Variants in NAA25 observed in about 807,000 individuals in gnomAD.
NAA25 encodes N-terminal acetyltransferase B complex subunit NAA25.
A neutral mutation model predicts 132.5 loss-of-function variants in NAA25; 30 were observed. The observed-to-expected ratio is 0.23, with a 90% confidence interval of 0.17 to 0.31. The LOEUF (loss-of-function observed/expected upper bound fraction) is 0.31. NAA25 is among the 10% of genes least tolerant of loss of function. The probability of loss-of-function intolerance (pLI) is 1.00; values close to 1 mark genes in which losing one functional copy is unlikely to be tolerated. For missense variants in NAA25, 771 were observed against 1,150.4 expected (o/e 0.67, Z 4.77); for synonymous variants, 359 against 401.9 (o/e 0.89, Z 1.28).
Position 112,028,177 on chromosome 12 carries a change from C to A in NAA25, c.*1354G>T, listed in dbSNP as rs1380603315. Reference sequence around the variant, plus strand: ...CTGGAGCAGTGCAGGTTGGAAAGCACCTTTAAGGTCTTCAAGACCAATCCT... The same window carrying A: ...CTGGAGCAGTGCAGGTTGGAAAGCAACTTTAAGGTCTTCAAGACCAATCCT... On this transcript the variant is annotated 3_prime_UTR_variant, in exon 24 of 24. Coordinates refer to ENST00000261745, the MANE Select transcript of NAA25 (RefSeq NM_024953.4). The A allele has an allele frequency of 1.3e-5, 2 of 152,150 alleles. No individual in the cohort carries two copies. Among genetic ancestry groups the A allele is most frequent in the Non-Finnish European group, 2.9e-5 (2 of 68,036 alleles). 9.4% of individuals were successfully genotyped at this position (152,150 alleles called of 1,614,324 possible).
In NAA25 at chr12:112,048,398, T is replaced by C; in HGVS notation, c.1774A>G (p.Lys592Glu). 6.2e-7 allele frequency: 1 copy of C among 1,613,986 alleles called. No homozygotes were observed. The highest frequency in any genetic ancestry group is 8.5e-7 in the Non-Finnish European group (1 of 1,179,876). The change falls in exon 16 of 24, where the codon AAG (lysine) becomes GAG (glutamate). Residue 592 changes from lysine (K) to glutamate (E), a missense_variant. Lys to Glu is a moderately conservative substitution (Grantham distance 56, BLOSUM62 1). Around this residue, in one of 3 missense-constraint regions of NAA25, gnomAD observed 417 missense variants for 733.8 expected, o/e 0.57. Coordinates refer to ENST00000261745, the MANE Select transcript of NAA25 (RefSeq NM_024953.4). The part of the protein sequence containing the change: ...IQAYKYGAFE[K>E]IPEFIAFRNR... The stretch of plus-strand genomic sequence containing the variant: ...CTAAAAGCGATAAACTCTGGGATCT[T>C]CTCAAATGCACCATATTTGTAAGCT...
intron 7 of NAA25, among the ~76,000 whole-genome samples, 157 bp from the exon 8 acceptor site, chr12:112,075,946 G>A (rs753632553): frequency 1.3e-5 from 2 of 151,980 alleles, no homozygotes; most frequent in South Asian, 2.1e-4. Context: ...GCAATGGCAC[G>A]ATCTTGGCTC....
intron 22 of NAA25, among the ~76,000 whole-genome samples, chr12:112,035,970 A>C (rs530654556): frequency 2.0e-5 from 3 of 152,162 alleles, no homozygotes; most frequent in Non-Finnish European, 4.4e-5. Context: ...ATAGGTGTGA[A>C]CCGCAGCACC....
chr12:112,072,860 C>T (rs2078834860), intron 9 of NAA25, among the ~76,000 whole-genome samples: 1 of 151,716 alleles, frequency 6.6e-6, no homozygotes, highest in South Asian at 2.1e-4. Flanking sequence ...TCACTTGAGC[C>T]TGAGAGGCAG....
chr12:112,102,857 T>C (rs1033966337), intron 1 of NAA25, among the ~76,000 whole-genome samples: 4 of 151,974 alleles, frequency 2.6e-5, no homozygotes, highest in Non-Finnish European at 4.4e-5. Flanking sequence ...CGGCTAATTT[T>C]TCGTATATTT....
intron 15 of NAA25, among the ~76,000 whole-genome samples, chr12:112,051,948 T>C (rs1456488400): frequency 6.6e-6 from 1 of 152,240 alleles, no homozygotes; most frequent in Non-Finnish European, 1.5e-5. Context: ...TCTTCTAGAA[T>C]GCTGCATGAT....
chr12:112,097,654 A>G (rs7313489), intron 1 of NAA25, among the ~76,000 whole-genome samples: 6,216 of 151,674 alleles, frequency 0.041, 281 homozygotes, highest in African/African-American at 0.11. Flanking sequence ...TTATTCACAC[A>G]GCATTTATAT....
At chr12:112,084,091 A>C (rs1177295912) in intron 4 of NAA25, among the ~76,000 whole-genome samples, 1 of 152,236 alleles carries the variant, frequency 6.6e-6, no homozygotes, top group Non-Finnish European at 1.5e-5. Context: ...AGACAAGTTT[A>C]AAAACATGGA....
chr12:112,030,802 CAT>C (rs2078140017), intron 23 of NAA25, among the ~76,000 whole-genome samples: 1 of 152,122 alleles, frequency 6.6e-6, no homozygotes, highest in South Asian at 2.1e-4. Context: ...CACTCGGTAA[CAT>C]ATGTAAAAGC....
intron 7 of NAA25, among the ~76,000 whole-genome samples, chr12:112,077,563 C>T (rs1335254439): frequency 6.6e-6 from 1 of 151,782 alleles, no homozygotes; most frequent in South Asian, 2.1e-4. Context: ...ATGGGAGAAT[C>T]ACTTGAGCCC....
chr12:112,078,999 C>T (rs551782154), intron 5 of NAA25, among the ~76,000 whole-genome samples: 1 of 152,228 alleles, frequency 6.6e-6, no homozygotes, highest in African/African-American at 2.4e-5. Flanking sequence ...GTTATTTATA[C>T]ATTTTTCTAG....
chr12:112,090,599 G>T, intron 3 of NAA25, 127 bp downstream of exon 3: 1 of 850,420 alleles, frequency 1.2e-6, no homozygotes, highest in Non-Finnish European at 1.8e-6. Flanking sequence ...GCAAACCCTG[G>T]CTAATGCGTT....
Position 112,086,073 on chromosome 12 carries a change from T to TATACAC in NAA25, c.402+1609_402+1610insGTGTAT, listed in dbSNP as rs759148501. 7.0e-4 allele frequency among the ~76,000 whole-genome samples: 38 copies of TATACAC among 53,944 alleles called. 1 individual carries two copies. Among genetic ancestry groups the TATACAC allele is most frequent in the South Asian group, 2.0e-3 (2 of 1,000 alleles). The allele number at this position is 53,944 out of a possible 152,430, so 35.4% of individuals were successfully genotyped here. ...AAAAATATATATATATATATATATA[T>TATACAC]ACACACACACACACACACACACACA... On this transcript the variant is annotated intron_variant, in intron 4 of 23. Transcript: ENST00000261745.
At chr12:112,053,449 T>C (rs1047603900) in intron 15 of NAA25, 109 bp downstream of exon 15, 9 of 797,488 alleles carry the variant, frequency 1.1e-5, no homozygotes, top group Non-Finnish European at 1.9e-5. Context: ...CACTTGCTAG[T>C]TCAGCATGGT....
chr12:112,084,500 C>A lies in NAA25; in HGVS notation c.402+3183G>T, dbSNP rs567090996. 1.9e-4 allele frequency among the ~76,000 whole-genome samples: 29 copies of A among 152,242 alleles called. No individual in the cohort carries two copies. The South Asian group carries it at 6.0e-3, about 32-fold the overall frequency. ...GCAATAATGACAGTATAAAAATTAG[C>A]CAGGCGTGGGCGGGGCACAGTGGCT... On this transcript the variant is annotated intron_variant, in intron 4 of 23. Transcript: ENST00000261745.
At chr12:112,071,571 A>G (rs2078808909) in intron 10 of NAA25, among the ~76,000 whole-genome samples, 1 of 151,416 alleles carries the variant, frequency 6.6e-6, no homozygotes, top group Non-Finnish European at 1.5e-5. Flanking sequence ...AGCTCAAGCA[A>G]TCCACCCACA....
At chr12:112,035,959 TA>T (rs1346690120) in intron 22 of NAA25, among the ~76,000 whole-genome samples, 1 of 152,164 alleles carries the variant, frequency 6.6e-6, no homozygotes, top group East Asian at 1.9e-4. Flanking sequence ...ATGCTGGGAT[TA>T]TAGGTGTGAA....
chr12:112,091,390 T>A (rs2079127840), intron 2 of NAA25, among the ~76,000 whole-genome samples: 1 of 149,414 alleles, frequency 6.7e-6, no homozygotes, highest in Non-Finnish European at 1.5e-5. Context: ...CTAGAAAAAA[T>A]TTGAAGGAAA....
In NAA25 at chr12:112,029,626, G is replaced by A; in HGVS notation, c.2824C>T (p.Gln942Ter). The A allele has an allele frequency of 6.2e-7, 1 of 1,613,542 alleles. No individual in the cohort carries two copies. Among genetic ancestry groups the A allele is most frequent in the Non-Finnish European group, 8.5e-7 (1 of 1,179,862 alleles). ...PEERKFSKTV[Q>*]GKVQSSYLHS... is the part of the protein sequence containing the mutation. ...AGATAACTGCTCTGCACCTTCCCTT[G>A]CACAGTCTTTGAAAATTTTCTCTCT... Residue 942 changes from glutamine (Q) to a stop codon, truncating the protein, a stop_gained, in exon 24 of 24, where the codon CAA becomes TAA. Transcript: ENST00000261745. LOFTEE classifies it high-confidence loss of function.
Sources: allele counts gnomAD v4.1 joint callset (sites outside exome capture counted in the v4.1 genomes callset), GRCh38; gene constraint gnomAD v4.1.1; regional missense constraint gnomAD v4.1.1; transcripts MANE v1.5; gene names NCBI Gene and HGNC (gene_info 2026-07-23, HGNC 2026-07-21).